Variants in CEP170 observed in about 807,000 individuals in gnomAD.
CEP170 encodes centrosomal protein 170.
A neutral mutation model predicts 151.9 loss-of-function variants in CEP170; 21 were observed. The observed-to-expected ratio is 0.14, with a 90% CI of 0.10 to 0.20. The LOEUF is 0.20. Ranked by LOEUF, CEP170 falls within the 10% of genes least tolerant of loss-of-function variation. The pLI, the probability that CEP170 is intolerant of heterozygous loss-of-function variation, is 1.00. For missense variants in CEP170, 964 were observed against 1,892.9 expected (o/e 0.51, Z 9.11); for synonymous variants, 356 against 648.8 (o/e 0.55, Z 6.86).
rs577532870 is a variant in CEP170 at position 243,181,302 on chromosome 1, C to T, written c.1566+4477G>A. On this transcript the variant is annotated intron_variant, in intron 10 of 19. Coordinates refer to ENST00000366542, the MANE Select transcript of CEP170 (RefSeq NM_014812.3). ...AAATGCCTTTAATCTAGGCAGTCAA[C>T]AGCACTTTCTTATAGTGTATTTCCA... Among the ~76,000 whole-genome samples, 8 of 152,248 alleles carry T rather than the reference C, an allele frequency of 5.3e-5. No homozygotes were observed. The South Asian group carries it at 1.5e-3, about 28-fold the overall frequency.
At chr1:243,190,954 G>C in intron 8 of CEP170, 64 bp downstream of exon 8, 13 of 1,462,826 alleles carry the variant, frequency 8.9e-6, no homozygotes, top group Non-Finnish European at 1.1e-5. Context: ...TAGTAGTCTA[G>C]TAAATGAAGA....
intron 9 of CEP170, 35 bp downstream of exon 9, chr1:243,186,224 T>G: frequency 6.2e-7 from 1 of 1,613,730 alleles, no homozygotes; most frequent in African/African-American, 1.3e-5. Context: ...ATTGTCTTCA[T>G]CAAAGAATGC....
chr1:243,173,461 C>T (rs1327143934), intron 10 of CEP170, among the ~76,000 whole-genome samples: 2 of 151,554 alleles, frequency 1.3e-5, no homozygotes, highest in Non-Finnish European at 2.9e-5. Flanking sequence ...ATAGGTCAGG[C>T]GTGGTGGCAC....
chr1:243,164,154 A>G (rs2058279846), intron 13 of CEP170, 130 bp downstream of exon 13: 1 of 1,196,108 alleles, frequency 8.4e-7, no homozygotes, highest in Non-Finnish European at 1.1e-6. Flanking sequence ...GCTGCCCCGT[A>G]TATCATAACT....
intron 14 of CEP170, among the ~76,000 whole-genome samples, chr1:243,146,843 C>T (rs372301505): frequency 6.6e-6 from 1 of 152,062 alleles, no homozygotes; most frequent in African/African-American, 2.4e-5. Context: ...ACTTATATAA[C>T]AGCACATGTA....
At chr1:243,160,141 A>G (rs988194667) in intron 13 of CEP170, among the ~76,000 whole-genome samples, 25 of 152,126 alleles carry the variant, frequency 1.6e-4, no homozygotes, top group Non-Finnish European at 3.5e-4. Context: ...AGTTTTTCTG[A>G]TATCTACCTG....
intron 10 of CEP170, chr1:243,176,900 G>T (rs961060586): frequency 1.6e-5 from 6 of 383,910 alleles, no homozygotes; most frequent in Middle Eastern, 3.7e-4. Flanking sequence ...TTAGTTTTAA[G>T]TTTAAAGAGA....
chr1:243,252,738 T>A (rs1395255368), intron 1 of CEP170, among the ~76,000 whole-genome samples: 2 of 152,114 alleles, frequency 1.3e-5, no homozygotes, highest in South Asian at 4.1e-4. Context: ...TAATCCCACA[T>A]ACTGAAATTT....
At chr1:243,207,305 G>A (rs1048971299) in intron 4 of CEP170, among the ~76,000 whole-genome samples, 2 of 152,166 alleles carry the variant, frequency 1.3e-5, no homozygotes, top group Non-Finnish European at 2.9e-5. Context: ...GCAGGTCATT[G>A]CATAATGATA....
In CEP170 at chr1:243,184,579, C is replaced by T. The variant is rs182657539; in HGVS notation, c.1566+1200G>A. ...TGGTAAACCTGAAGCATGTACTTCA[C>T]AATAAATGTATGTTTAGAAATTATA... On this transcript the variant is annotated intron_variant, in intron 10 of 19. Coordinates refer to ENST00000366542, the MANE Select transcript of CEP170 (RefSeq NM_014812.3). Among the ~76,000 whole-genome samples the T allele has an allele frequency of 1.2e-3, 179 of 152,158 alleles. 2 individuals carry two copies. Among genetic ancestry groups the T allele is most frequent in the African/African-American group, 4.2e-3 (175 of 41,490 alleles).
intron 1 of CEP170, among the ~76,000 whole-genome samples, chr1:243,246,808 C>T (rs535320602): frequency 3.4e-4 from 51 of 152,044 alleles, no homozygotes; most frequent in Middle Eastern, 6.8e-3. Context: ...ATAAAATGGC[C>T]TTCAATTTGC....
rs1382018008 is a variant in CEP170 at position 243,226,305 on chromosome 1, C to T, written c.-41-984G>A. Among the ~76,000 whole-genome samples the T allele has an allele frequency of 4.0e-5, 6 of 150,114 alleles. No individual in the cohort carries two copies. In the East Asian group the frequency reaches 1.2e-3, roughly 29 times the overall value. The stretch of plus-strand genomic sequence containing the variant: ...ATGAAACTGGTATTTATTAAGATAA[C>T]ATTAACCCAATTTCATTTAAAAATT... On this transcript the variant is annotated intron_variant, in intron 1 of 19. Coordinates refer to ENST00000366542, the MANE Select transcript of CEP170 (RefSeq NM_014812.3).
intron 1 of CEP170, among the ~76,000 whole-genome samples, chr1:243,237,844 G>A (rs761179699): frequency 1.3e-4 from 20 of 152,182 alleles, no homozygotes; most frequent in Non-Finnish European, 2.5e-4. Context: ...GGTGGAGGTC[G>A]CAGTGGGCCA....
In CEP170 at chr1:243,139,976, G is replaced by A; in HGVS notation, c.4191C>T (p.His1397=). ...AGGTTCTCCGCCTTGTAATTGTTAA[G>A]TGATCGGGAGGCTCTGCTGCTTGAG... ...PRPQAAEPPD[H]LTITRRRTWS... The change falls in exon 16 of 20, where the codon CAC becomes CAT. Residue 1397 remains histidine (H), a synonymous_variant. Coordinates refer to ENST00000366542, the MANE Select transcript of CEP170 (RefSeq NM_014812.3). 6.2e-7 allele frequency: 1 copy of A among 1,613,276 alleles called. No homozygotes were observed. The highest frequency in any genetic ancestry group is 8.5e-7 in the Non-Finnish European group (1 of 1,179,422).
chr1:243,185,979 G>A lies in CEP170; in HGVS notation c.1366C>T (p.Leu456=), dbSNP rs565616703. The change falls in exon 10 of 20, where the codon CTA becomes TTA. Residue 456 remains leucine, a synonymous_variant. Coordinates refer to ENST00000366542, the MANE Select transcript of CEP170 (RefSeq NM_014812.3). This position sits in a 1 kb window ranked among gnomAD's most constrained non-coding sequence, Gnocchi z 4.9. ...GAACTTCTTAATAATGCAGTTTGTA[G>A]GAAGGGTATTGACACCGATGGCTCC... ...SEEPSVSIPF[L]QTALLRSSGS... is the part of the protein sequence containing the mutation. 4 of 1,613,744 alleles carry A rather than the reference G, an allele frequency of 2.5e-6. No individual in the cohort carries two copies. The highest frequency in any genetic ancestry group is 3.4e-6 in the Non-Finnish European group (4 of 1,179,706).
At chr1:243,230,907 A>T (rs1031279943) in intron 1 of CEP170, among the ~76,000 whole-genome samples, 5 of 152,122 alleles carry the variant, frequency 3.3e-5, no homozygotes, top group African/African-American at 1.2e-4. Flanking sequence ...CTACCAGCAG[A>T]TAAACTCAAA....
intron 3 of CEP170, among the ~76,000 whole-genome samples, chr1:243,212,308 T>G (rs2061880688): frequency 6.6e-6 from 1 of 152,222 alleles, no homozygotes; most frequent in African/African-American, 2.4e-5. Context: ...CAGGGTTTGC[T>G]CAACCCAATT....
chr1:243,237,219 A>G (rs1383805128), intron 1 of CEP170, among the ~76,000 whole-genome samples: 1 of 152,178 alleles, frequency 6.6e-6, no homozygotes, highest in Non-Finnish European at 1.5e-5. Context: ...GTTAAATTAT[A>G]ATTTTTATAA....
At chr1:243,207,235 G>A (rs2061483874) in intron 4 of CEP170, among the ~76,000 whole-genome samples, 1 of 152,076 alleles carries the variant, frequency 6.6e-6, no homozygotes, top group Non-Finnish European at 1.5e-5. Context: ...CAGAAAGCTG[G>A]AACAACTATA....
Sources: allele counts gnomAD v4.1 joint callset (sites outside exome capture counted in the v4.1 genomes callset), GRCh38; gene constraint gnomAD v4.1.1; non-coding constraint Gnocchi (gnomAD v3.1); transcripts MANE v1.5; gene names NCBI Gene and HGNC (gene_info 2026-07-23, HGNC 2026-07-21).